THSD4: variants seen among roughly 807,000 people sequenced by gnomAD.
THSD4 encodes thrombospondin type-1 domain-containing protein 4.
In THSD4, 69 loss-of-function variants were observed where a neutral mutation model predicts 119.0. That is an observed-to-expected ratio of 0.58 (90% CI 0.48 to 0.71). THSD4 has a LOEUF of 0.71. Among genes scored for constraint, THSD4 ranks in the 30% least tolerant of loss-of-function variants. The pLI, the probability that THSD4 is intolerant of heterozygous loss-of-function variation, is 0.00. For missense variants in THSD4, 1,393 were observed against 1,391.1 expected (o/e 1.00, Z -0.02); for synonymous variants, 524 against 540.4 (o/e 0.97, Z 0.42).
intron 16 of THSD4, 101 bp downstream of exon 16, chr15:71,765,300 G>A: frequency 7.2e-7 from 1 of 1,380,798 alleles, no homozygotes; most frequent in Non-Finnish European, 9.7e-7. Flanking sequence ...AGCCCTGAAA[G>A]AGATTCCCTA....
At chr15:71,433,566 C>T (rs2046969092) in intron 7 of THSD4, among the ~76,000 whole-genome samples, 1 of 151,916 alleles carries the variant, frequency 6.6e-6, no homozygotes, top group Non-Finnish European at 1.5e-5. Context: ...ACATAGACAC[C>T]CTCCCCAGTG....
chr15:71,164,334 AAG>A (rs1301558583), intron 3 of THSD4, among the ~76,000 whole-genome samples: 1 of 151,688 alleles, frequency 6.6e-6, no homozygotes, highest in Non-Finnish European at 1.5e-5. Context: ...ATTTACTTAG[AAG>A]CATTCAGAAT....
chr15:71,447,558 C>T (rs1036960883), intron 7 of THSD4, among the ~76,000 whole-genome samples: 2 of 152,186 alleles, frequency 1.3e-5, no homozygotes, highest in Admixed American at 1.3e-4. Flanking sequence ...AGAATTTATC[C>T]TACCAGACCA....
rs972281032 is a variant in THSD4, at chr15:71,778,841, T to A, written c.*1467T>A. 4 of 152,258 alleles carry A rather than the reference T, an allele frequency of 2.6e-5. No individual in the cohort carries two copies. Among genetic ancestry groups the A allele is most frequent in the Non-Finnish European group, 5.9e-5 (4 of 68,070 alleles). 9.4% of individuals were successfully genotyped at this position (152,258 alleles called of 1,614,324 possible). ...AGGCCGCAGGCCTGGAAGGATGCAG[T>A]GCATATTGAAAGGTGGACCCTCTGA... On this transcript the variant is annotated 3_prime_UTR_variant, in exon 18 of 18. Coordinates refer to ENST00000261862, the MANE Select transcript of THSD4 (RefSeq NM_024817.3).
chr15:71,368,135 G>T (rs1481179464), intron 6 of THSD4, among the ~76,000 whole-genome samples: 1 of 152,012 alleles, frequency 6.6e-6, no homozygotes, highest in Non-Finnish European at 1.5e-5. Context: ...GGGGTTGTTT[G>T]TTTTTTTCTT....
intron 7 of THSD4, among the ~76,000 whole-genome samples, chr15:71,585,811 T>C (rs1290705289): frequency 6.6e-6 from 1 of 152,208 alleles, no homozygotes; most frequent in African/African-American, 2.4e-5. Flanking sequence ...AACTAGATAA[T>C]TTCAAATGAC....
At chr15:71,683,761 G>A (rs1249543161) in intron 8 of THSD4, among the ~76,000 whole-genome samples, 1 of 152,160 alleles carries the variant, frequency 6.6e-6, no homozygotes, top group Admixed American at 6.5e-5. Context: ...GCCTACTTGA[G>A]GTCAGGAGTT....
intron 7 of THSD4, among the ~76,000 whole-genome samples, chr15:71,508,726 A>G (rs2048232937): frequency 6.6e-6 from 1 of 152,178 alleles, no homozygotes; most frequent in Non-Finnish European, 1.5e-5. Context: ...ACTATCATGT[A>G]TATGTAGTGT....
At chr15:71,693,541 G>A (rs1429438000) in intron 8 of THSD4, among the ~76,000 whole-genome samples, 2 of 152,158 alleles carry the variant, frequency 1.3e-5, no homozygotes, top group African/African-American at 4.8e-5. Context: ...CAGCTACTTG[G>A]AGGCTGAGGT....
chr15:71,624,516 A>G (rs576835097), intron 7 of THSD4, among the ~76,000 whole-genome samples: 335 of 152,328 alleles, frequency 2.2e-3, no homozygotes, highest in Non-Finnish European at 4.1e-3. Context: ...TGACAGCCTT[A>G]GTTCTTGATG....
intron 1 of THSD4, among the ~76,000 whole-genome samples, chr15:71,135,413 A>C (rs1470574683): frequency 1.5e-4 from 22 of 149,820 alleles, no homozygotes; most frequent in Admixed American, 2.0e-4. Flanking sequence ...AAAAAAGAAG[A>C]AGCTTCCCAT....
intron 7 of THSD4, among the ~76,000 whole-genome samples, chr15:71,496,937 T>A (rs1483547965): frequency 6.6e-6 from 1 of 152,116 alleles, no homozygotes; most frequent in African/African-American, 2.4e-5. Flanking sequence ...GCTGGAAGCT[T>A]TGGGCTCTGA....
chr15:71,671,054 T>C lies in THSD4; in HGVS notation c.1357+10320T>C, dbSNP rs560806868. The stretch of plus-strand genomic sequence containing the variant: ...CTGGGTCTCTAGATCCTTGAGGAAT[T>C]GCCACACTGTCTTCCACAATGGTTG... On this transcript the variant is annotated intron_variant, in intron 8 of 17. Transcript: ENST00000261862. 4.4e-3 allele frequency among the ~76,000 whole-genome samples: 663 copies of C among 152,270 alleles called. 4 individuals carry two copies. Among genetic ancestry groups the C allele is most frequent in the Non-Finnish European group, 7.9e-3 (534 of 68,022 alleles).
chr15:71,752,030 G>T (rs1258970368), intron 14 of THSD4, among the ~76,000 whole-genome samples: 1 of 152,164 alleles, frequency 6.6e-6, no homozygotes, highest in Non-Finnish European at 1.5e-5. Flanking sequence ...GATTATTTCG[G>T]TGTAGTCTTC....
At chr15:71,547,183 C>T (rs1275745276) in intron 7 of THSD4, 1 of 1,316,842 alleles carries the variant, frequency 7.6e-7, no homozygotes, top group East Asian at 3.1e-5. Flanking sequence ...CCTGTCCCCT[C>T]CCCCAGCCGG....
chr15:71,336,303 C>T (rs1459634510), intron 6 of THSD4, among the ~76,000 whole-genome samples: 1 of 152,122 alleles, frequency 6.6e-6, no homozygotes, highest in African/African-American at 2.4e-5. Context: ...ACATTAATAC[C>T]CTTTATTATG....
At chr15:71,463,280 C>T (rs1473450065) in intron 7 of THSD4, among the ~76,000 whole-genome samples, 1 of 151,930 alleles carries the variant, frequency 6.6e-6, no homozygotes, top group Non-Finnish European at 1.5e-5. Context: ...ATGAGCATTC[C>T]GTCTATCTTT....
chr15:71,291,122 G>C (rs528655210), intron 6 of THSD4, among the ~76,000 whole-genome samples: 1 of 151,914 alleles, frequency 6.6e-6, no homozygotes, highest in South Asian at 2.1e-4. Context: ...CACTCCCCCA[G>C]CTTCACTTTG....
At chr15:71,643,586 T>A (rs1437317846) in intron 7 of THSD4, among the ~76,000 whole-genome samples, 1 of 152,228 alleles carries the variant, frequency 6.6e-6, no homozygotes, top group East Asian at 1.9e-4. Context: ...CCTGCATTAG[T>A]TTGCTAAGGT....
Sources: allele counts gnomAD v4.1 joint callset (sites outside exome capture counted in the v4.1 genomes callset), GRCh38; gene constraint gnomAD v4.1.1; transcripts MANE v1.5; gene names NCBI Gene and HGNC (gene_info 2026-07-23, HGNC 2026-07-21).